GRB10: variants seen among roughly 807,000 people sequenced by gnomAD.
GRB10 encodes the protein growth factor receptor bound protein 10.
A neutral mutation model predicts 80.9 loss-of-function variants in GRB10; 20 were observed. The observed-to-expected ratio is 0.25, with a 90% CI of 0.17 to 0.36. The LOEUF is 0.36. Among genes scored for constraint, GRB10 ranks in the 10% least tolerant of loss-of-function variants. GRB10 has a pLI of 1.00. For missense variants in GRB10, 548 were observed against 747.7 expected (o/e 0.73, Z 3.12); for synonymous variants, 291 against 291.5 (o/e 1.00, Z 0.02).
chr7:50,637,879 GA>G (rs60838855), intron 7 of GRB10, among the ~76,000 whole-genome samples: 40,237 of 152,008 alleles, frequency 0.26, 6,603 homozygotes, highest in Middle Eastern at 0.49. Flanking sequence ...ATGGAATAGA[GA>G]ACACAGAAAT....
intron 5 of GRB10, among the ~76,000 whole-genome samples, chr7:50,699,639 T>G (rs1278532100): frequency 6.6e-6 from 1 of 152,234 alleles, no homozygotes; most frequent in East Asian, 1.9e-4. Flanking sequence ...ACATTTCACT[T>G]AAAATAAGGT....
chr7:50,710,698 T>C (rs936105349), intron 4 of GRB10, among the ~76,000 whole-genome samples: 1 of 152,160 alleles, frequency 6.6e-6, no homozygotes, highest in Non-Finnish European at 1.5e-5. Context: ...GGCCCCCACA[T>C]GCTGGTTAGT....
chr7:50,677,937 G>C (rs147818972), intron 5 of GRB10, among the ~76,000 whole-genome samples: 1 of 152,158 alleles, frequency 6.6e-6, no homozygotes, highest in African/African-American at 2.4e-5. Context: ...TTTTAATCCT[G>C]CTTTGGAAAT....
At chr7:50,742,251 ACACACGCGCACGCGCGCGCG>A (rs1251557121) in intron 3 of GRB10, among the ~76,000 whole-genome samples, 22 of 35,794 alleles carry the variant, frequency 6.1e-4, no homozygotes, top group African/African-American at 2.2e-3. Flanking sequence ...CTATGTGTAA[ACACACGCGCACGCGCGCGCG>A]CACACACACA....
intron 2 of GRB10, among the ~76,000 whole-genome samples, chr7:50,766,301 C>G (rs1380002534): frequency 6.6e-6 from 1 of 152,164 alleles, no homozygotes; most frequent in Non-Finnish European, 1.5e-5. Context: ...TATACCTAAA[C>G]ACAATGAGGC....
chr7:50,755,480 C>T (rs2074929680), intron 3 of GRB10, among the ~76,000 whole-genome samples: 1 of 152,166 alleles, frequency 6.6e-6, no homozygotes, highest in Non-Finnish European at 1.5e-5. Flanking sequence ...TGTGTTCTAG[C>T]CCACCTTCAG....
At chr7:50,611,442 G>C (rs1563149989) in intron 13 of GRB10, among the ~76,000 whole-genome samples, 1 of 152,180 alleles carries the variant, frequency 6.6e-6, no homozygotes, top group East Asian at 1.9e-4. Context: ...TATTAACATG[G>C]ACATTTCCTC....
intron 7 of GRB10, among the ~76,000 whole-genome samples, chr7:50,631,928 C>T (rs1276506872): frequency 6.6e-6 from 1 of 152,138 alleles, no homozygotes; most frequent in Non-Finnish European, 1.5e-5. Flanking sequence ...GCTCTGCTTG[C>T]CTTTCTTCTC....
intron 3 of GRB10, among the ~76,000 whole-genome samples, chr7:50,754,266 G>A (rs370718309): frequency 2.6e-5 from 4 of 152,370 alleles, no homozygotes; most frequent in African/African-American, 9.6e-5. Flanking sequence ...GGTCTGCAGA[G>A]CTATCACTGG....
intron 4 of GRB10, among the ~76,000 whole-genome samples, chr7:50,714,362 A>G (rs61635288): frequency 0.075 from 11,428 of 152,228 alleles, 1,431 homozygotes; most frequent in African/African-American, 0.26. Flanking sequence ...TTATATTTAT[A>G]TACTTTAAAT....
chr7:50,761,887 C>G (rs1048558606), intron 2 of GRB10: 1 of 152,172 alleles, frequency 6.6e-6, no homozygotes, highest in African/African-American at 2.4e-5. Flanking sequence ...GCACCTCCCC[C>G]CACTTCTCTT....
At chr7:50,718,651 C>CA (rs1366283735) in intron 4 of GRB10, among the ~76,000 whole-genome samples, 2 of 152,108 alleles carry the variant, frequency 1.3e-5, no homozygotes, top group Admixed American at 6.5e-5. Flanking sequence ...AACTTTACTC[C>CA]AAAGTAATTT....
At chr7:50,767,477 C>A (rs2076474877) in intron 2 of GRB10, among the ~76,000 whole-genome samples, 1 of 152,152 alleles carries the variant, frequency 6.6e-6, no homozygotes, top group African/African-American at 2.4e-5. Context: ...GCTCTCTGGC[C>A]ACACGGTCAC....
chr7:50,743,873 C>T (rs1176618872), intron 3 of GRB10, among the ~76,000 whole-genome samples: 1 of 152,180 alleles, frequency 6.6e-6, no homozygotes, highest in Non-Finnish European at 1.5e-5. Context: ...ATCTGAGACC[C>T]AGAAAGTCAA....
intron 8 of GRB10, among the ~76,000 whole-genome samples, chr7:50,623,335 A>G (rs955609881): frequency 2.6e-5 from 4 of 152,240 alleles, no homozygotes; most frequent in African/African-American, 9.6e-5. Context: ...ATCATTCACT[A>G]GGGCTTCACC....
upstream of GRB10, among the ~76,000 whole-genome samples, chr7:50,785,196 G>A (rs967936823): frequency 6.6e-6 from 1 of 152,170 alleles, no homozygotes; most frequent in Admixed American, 6.5e-5. Context: ...AAGCAACCAG[G>A]CGTCCATCCA....
intron 6 of GRB10, among the ~76,000 whole-genome samples, chr7:50,671,804 A>C (rs2060381531): frequency 6.6e-6 from 1 of 152,274 alleles, no homozygotes; most frequent in African/African-American, 2.4e-5. Flanking sequence ...GAGCATTTTA[A>C]AAAGTCCTGT....
chr7:50,740,704 G>T lies in GRB10; in HGVS notation c.-46-8336C>A, dbSNP rs548633200. Among the ~76,000 whole-genome samples the T allele has an allele frequency of 1.4e-4, 21 of 149,938 alleles. No homozygotes were observed. The East Asian group carries it at 4.0e-3, about 28-fold the overall frequency. On this transcript the variant is annotated intron_variant, in intron 3 of 18. Coordinates refer to ENST00000401949, the MANE Select transcript of GRB10 (RefSeq NM_001350814.2). ...ACTCATAATTCTTTAAACATCAAAG[G>T]GAAAATAGATGAAGACACATTCATT...
chr7:50,614,042 A>G (rs1336671769), intron 12 of GRB10, among the ~76,000 whole-genome samples: 1 of 152,214 alleles, frequency 6.6e-6, no homozygotes, highest in African/African-American at 2.4e-5. Flanking sequence ...CATATCATGC[A>G]CAGTAAGCAT....
Sources: allele counts gnomAD v4.1 joint callset (sites outside exome capture counted in the v4.1 genomes callset), GRCh38; gene constraint gnomAD v4.1.1; transcripts MANE v1.5; gene names NCBI Gene and HGNC (gene_info 2026-07-23, HGNC 2026-07-21).